MTHFD1L: variants seen among roughly 807,000 people sequenced by gnomAD.
MTHFD1L encodes the protein monofunctional C1-tetrahydrofolate synthase, mitochondrial.
MTHFD1L carries 81 observed loss-of-function variants against 119.5 expected under a neutral mutation model. That is an observed-to-expected ratio of 0.68 (90% confidence interval 0.57 to 0.82). The LOEUF is 0.82. MTHFD1L is among the 40% of genes least tolerant of loss of function. The probability of loss-of-function intolerance (pLI) is 0.00; values close to 1 mark genes in which losing one functional copy is unlikely to be tolerated. For missense variants in MTHFD1L, 1,125 were observed against 1,253.4 expected (o/e 0.90, Z 1.55); for synonymous variants, 430 against 475.2 (o/e 0.90, Z 1.24).
chr6:151,013,953 C>G (rs1782650707), intron 22 of MTHFD1L, 133 bp downstream of exon 22: 1 of 743,396 alleles, frequency 1.3e-6, no homozygotes, highest in Non-Finnish European at 2.2e-6. Flanking sequence ...TGACTCACAC[C>G]TGTAATTTCA....
intron 20 of MTHFD1L, among the ~76,000 whole-genome samples, chr6:151,003,569 T>A (rs1780939237): frequency 6.6e-6 from 1 of 152,122 alleles, no homozygotes; most frequent in Non-Finnish European, 1.5e-5. Context: ...AAGACGTTCT[T>A]TTTCACTAGG....
At chr6:151,032,890 GT>G (rs1221666625) in intron 24 of MTHFD1L, among the ~76,000 whole-genome samples, 1 of 152,104 alleles carries the variant, frequency 6.6e-6, no homozygotes, top group Non-Finnish European at 1.5e-5. Context: ...GCAGTTTTGG[GT>G]TCTATCAGGG....
At chr6:150,918,542 C>A in intron 8 of MTHFD1L, 35 bp from the exon 9 acceptor site, 1 of 1,429,030 alleles carries the variant, frequency 7.0e-7, no homozygotes, top group Non-Finnish European at 9.9e-7. Context: ...TGACAGTGTA[C>A]TGAAAGTCTT....
intron 4 of MTHFD1L, among the ~76,000 whole-genome samples, chr6:150,879,959 C>T (rs1047684956): frequency 1.3e-5 from 2 of 152,052 alleles, no homozygotes; most frequent in African/African-American, 2.4e-5. Context: ...CCTTGATTTT[C>T]GTCGTTGTTG....
At position 150,916,364 on chromosome 6, in the gene MTHFD1L, T is replaced by C. The variant is rs185536428; in HGVS notation, c.893-2213T>C. Among the ~76,000 whole-genome samples the C allele has an allele frequency of 1.7e-3, 225 of 135,848 alleles. 1 individual carries two copies. The highest frequency in any genetic ancestry group is 5.8e-3 in the African/African-American group (211 of 36,468). The allele number at this position is 135,848 out of a possible 152,430, so 89.1% of individuals were successfully genotyped here. A position where few individuals can be genotyped will look rare whatever the true frequency, so the allele number is the denominator to read the frequency against. Reference sequence around the variant, plus strand: ...GTTGCCCAGGCTGGAGTGAGTGGTGTGATCTCGGCTCACCGCAATCTCCGC... The same window carrying C: ...GTTGCCCAGGCTGGAGTGAGTGGTGCGATCTCGGCTCACCGCAATCTCCGC... On this transcript the variant is annotated intron_variant, in intron 8 of 27. Transcript: ENST00000367321.
intron 15 of MTHFD1L, among the ~76,000 whole-genome samples, chr6:150,946,380 C>T (rs1666188947): frequency 6.6e-6 from 1 of 152,202 alleles, no homozygotes; most frequent in African/African-American, 2.4e-5. Context: ...AAACGCCTGA[C>T]CTCAAGTGAT....
chr6:151,099,589 C>T (rs966168750), intron 27 of MTHFD1L: 41 of 1,609,154 alleles, frequency 2.5e-5, no homozygotes, highest in East Asian at 1.3e-4. Context: ...GAAGTTCATC[C>T]GGCACCAGTC....
At chr6:150,933,879 A>G (rs964119252) in intron 11 of MTHFD1L, among the ~76,000 whole-genome samples, 1 of 152,172 alleles carries the variant, frequency 6.6e-6, no homozygotes, top group Non-Finnish European at 1.5e-5. Context: ...GGCCTCCCAA[A>G]GTGCTAGGAT....
chr6:150,962,024 T>A (rs894646914), intron 18 of MTHFD1L, among the ~76,000 whole-genome samples: 1 of 152,174 alleles, frequency 6.6e-6, no homozygotes, highest in Non-Finnish European at 1.5e-5. Flanking sequence ...AGTTTCGCTC[T>A]TGTTGCCCAG....
intron 12 of MTHFD1L, among the ~76,000 whole-genome samples, chr6:150,937,549 A>G (rs962896533): frequency 2.0e-5 from 3 of 152,222 alleles, no homozygotes; most frequent in African/African-American, 7.2e-5. Flanking sequence ...TTTTTTAAGA[A>G]TATTGCATTT....
chr6:150,975,207 G>A (rs185807012), intron 20 of MTHFD1L, among the ~76,000 whole-genome samples: 3 of 152,078 alleles, frequency 2.0e-5, no homozygotes, highest in Admixed American at 6.6e-5. Context: ...TCTAAAAATC[G>A]TGCTCTATGA....
chr6:151,034,932 G>A (rs1195102130), intron 25 of MTHFD1L, among the ~76,000 whole-genome samples: 31 of 152,134 alleles, frequency 2.0e-4, no homozygotes, highest in Non-Finnish European at 3.5e-4. Context: ...GTAGAGCTGC[G>A]GAGTCAGATT....
intron 7 of MTHFD1L, among the ~76,000 whole-genome samples, chr6:150,895,335 C>T (rs532676603): frequency 4.1e-4 from 62 of 152,268 alleles, no homozygotes; most frequent in African/African-American, 1.3e-3. Context: ...TGGGCAGGTA[C>T]GGCAGGGCCC....
chr6:151,018,247 CA>C (rs1297691256), intron 24 of MTHFD1L, among the ~76,000 whole-genome samples: 1 of 152,178 alleles, frequency 6.6e-6, no homozygotes, highest in Non-Finnish European at 1.5e-5. Context: ...TCAGATGTCA[CA>C]GACACTCTTC....
At chr6:150,883,383 C>T (rs1346032642) in intron 5 of MTHFD1L, among the ~76,000 whole-genome samples, 1 of 152,158 alleles carries the variant, frequency 6.6e-6, no homozygotes, top group Non-Finnish European at 1.5e-5. Context: ...TTGGAAAATA[C>T]ATTAGCCCTT....
At chr6:151,072,410 T>A (rs1482978072) in intron 26 of MTHFD1L, among the ~76,000 whole-genome samples, 1 of 152,112 alleles carries the variant, frequency 6.6e-6, no homozygotes, top group Non-Finnish European at 1.5e-5. Context: ...AATAATAACC[T>A]AAAAAATCTT....
intron 7 of MTHFD1L, among the ~76,000 whole-genome samples, chr6:150,904,273 G>A (rs1785525685): frequency 6.6e-6 from 1 of 152,190 alleles, no homozygotes; most frequent in Non-Finnish European, 1.5e-5. Flanking sequence ...ATGCTTTTGT[G>A]TGTTGTAATC....
rs118023869 is a variant in MTHFD1L at position 150,938,950 on chromosome 6, C to T, written c.1440+205C>T. 7.1e-3 allele frequency among the ~76,000 whole-genome samples: 1,076 copies of T among 152,238 alleles called. 7 individuals are homozygous for T. Among genetic ancestry groups the T allele is most frequent in the Non-Finnish European group, 0.013 (855 of 68,028 alleles). On this transcript the variant is annotated intron_variant, in intron 13 of 27. Coordinates refer to ENST00000367321, the MANE Select transcript of MTHFD1L (RefSeq NM_015440.5). The stretch of plus-strand genomic sequence containing the variant: ...GAGCTATAATTATATGGATTTTGTA[C>T]GTGCTACTTGGCGTGAATATTCATA...
chr6:150,940,723 G>A (rs1792948767), intron 13 of MTHFD1L, among the ~76,000 whole-genome samples: 1 of 152,024 alleles, frequency 6.6e-6, no homozygotes, highest in Non-Finnish European at 1.5e-5. Context: ...TGGGATTACA[G>A]GCACCTGCCA....
Sources: allele counts gnomAD v4.1 joint callset (sites outside exome capture counted in the v4.1 genomes callset), GRCh38; gene constraint gnomAD v4.1.1; transcripts MANE v1.5; gene names NCBI Gene and HGNC (gene_info 2026-07-23, HGNC 2026-07-21).